Variants in ZNF722 observed in about 807,000 individuals in gnomAD.
ZNF722 encodes zinc finger protein 479 pseudogene.
the ZNF722 span, among the ~76,000 whole-genome samples, chr7:64,005,240 A>T: frequency 6.6e-6 from 1 of 152,240 alleles, no homozygotes; most frequent in African/African-American, 2.4e-5. Flanking sequence ...TGGAGGTTGC[A>T]CTGAGCCAAG....
At chr7:64,014,980 C>A in the ZNF722 span, 1 of 1,201,348 alleles carries the variant, frequency 8.3e-7, no homozygotes, top group South Asian at 1.4e-5. Flanking sequence ...AAAGTATATT[C>A]ATCTGAGTCT....
At chr7:64,013,095 A>T in the ZNF722 span, among the ~76,000 whole-genome samples, 1 of 152,138 alleles carries the variant, frequency 6.6e-6, no homozygotes, top group East Asian at 1.9e-4. Flanking sequence ...CTTTTTCTTT[A>T]TAAATTACCC....
chr7:64,003,692 G>T, the ZNF722 span, among the ~76,000 whole-genome samples: 2 of 152,074 alleles, frequency 1.3e-5, no homozygotes, highest in African/African-American at 4.8e-5. Flanking sequence ...TATATGCCAT[G>T]GTGTTCTATA....
chr7:64,004,760 G>C, the ZNF722 span, among the ~76,000 whole-genome samples: 1 of 151,902 alleles, frequency 6.6e-6, no homozygotes, highest in African/African-American at 2.4e-5. Context: ...AAAAATGAAG[G>C]CTCTTTATTT....
the ZNF722 span, among the ~76,000 whole-genome samples, chr7:64,000,436 C>CTTTTTTT: frequency 0.081 from 1,928 of 23,748 alleles, 759 homozygotes; most frequent in Admixed American, 0.089. Flanking sequence ...CATGCCCGGC[C>CTTTTTTT]TTTTTTTTTT....
At chr7:64,001,953 G>A in the ZNF722 span, among the ~76,000 whole-genome samples, 5 of 151,856 alleles carry the variant, frequency 3.3e-5, no homozygotes, top group South Asian at 4.2e-4. Context: ...GCAAAATCTC[G>A]GCTCACTGCA....
chr7:64,008,513 T>C, the ZNF722 span, among the ~76,000 whole-genome samples: 5 of 152,232 alleles, frequency 3.3e-5, no homozygotes, highest in Non-Finnish European at 7.3e-5. Flanking sequence ...CCTTTCCCCA[T>C]TTCTTGTTTT....
At chr7:64,003,810 G>T in the ZNF722 span, among the ~76,000 whole-genome samples, 24 of 152,282 alleles carry the variant, frequency 1.6e-4, no homozygotes, top group African/African-American at 5.8e-4. Flanking sequence ...ATGAGAAGGT[G>T]TAAATACTCA....
the ZNF722 span, among the ~76,000 whole-genome samples, chr7:64,013,530 G>A: frequency 0.018 from 2,757 of 151,674 alleles, 168 homozygotes; most frequent in East Asian, 0.18. Flanking sequence ...AAAAAAAAAT[G>A]ACTTCAGTTG....
At chr7:64,005,895 T>C in the ZNF722 span, among the ~76,000 whole-genome samples, 1 of 152,194 alleles carries the variant, frequency 6.6e-6, no homozygotes, top group Non-Finnish European at 1.5e-5. Context: ...TTCACGATGT[T>C]TTATCTTGAC....
the ZNF722 span, among the ~76,000 whole-genome samples, chr7:64,010,756 A>C: frequency 6.6e-6 from 1 of 152,196 alleles, no homozygotes; most frequent in Non-Finnish European, 1.5e-5. Flanking sequence ...GATGTCTATT[A>C]GGTCTGCTTG....
chr7:64,004,441 T>G, the ZNF722 span, among the ~76,000 whole-genome samples: 1 of 132,848 alleles, frequency 7.5e-6, no homozygotes, highest in Non-Finnish European at 1.5e-5. Context: ...TATATATATA[T>G]ATATATATAT....
the ZNF722 span, among the ~76,000 whole-genome samples, chr7:64,006,600 T>C: frequency 6.6e-6 from 1 of 152,200 alleles, no homozygotes; most frequent in Non-Finnish European, 1.5e-5. Flanking sequence ...AACTGACTGC[T>C]TTGCCATAGC....
At chr7:64,015,300 T>C in the ZNF722 span, 2 of 1,264,926 alleles carry the variant, frequency 1.6e-6, no homozygotes, top group East Asian at 4.7e-5. Flanking sequence ...TGAAACAAGA[T>C]ATACTGGAAA....
At chr7:63,999,570 T>TA in the ZNF722 span, among the ~76,000 whole-genome samples, 3 of 152,206 alleles carry the variant, frequency 2.0e-5, no homozygotes, top group African/African-American at 7.2e-5. Context: ...TTGGTACAGT[T>TA]ATGTAGTTTC....
the ZNF722 span, among the ~76,000 whole-genome samples, chr7:64,001,007 C>T: frequency 6.6e-6 from 1 of 150,592 alleles, no homozygotes; most frequent in African/African-American, 2.4e-5. Context: ...GAACTTTTGG[C>T]CTCAGGTGAT....
chr7:64,014,861 T>A, the ZNF722 span, among the ~76,000 whole-genome samples: 6 of 152,202 alleles, frequency 3.9e-5, no homozygotes, highest in Non-Finnish European at 7.3e-5. Flanking sequence ...GGTATTTTGA[T>A]CACTATGATT....
chr7:64,017,981 G>C, the ZNF722 span, among the ~76,000 whole-genome samples: 1 of 152,124 alleles, frequency 6.6e-6, no homozygotes, highest in Non-Finnish European at 1.5e-5. Context: ...TGTTGCATCA[G>C]AGATATAAGA....
At chr7:64,009,666 G>T in the ZNF722 span, among the ~76,000 whole-genome samples, 3 of 152,026 alleles carry the variant, frequency 2.0e-5, no homozygotes, top group Admixed American at 6.5e-5. Context: ...GAGGATTTTC[G>T]CATCGATGTT....
Sources: allele counts gnomAD v4.1 joint callset (sites outside exome capture counted in the v4.1 genomes callset), GRCh38; gene constraint gnomAD v4.1.1; transcripts MANE v1.5; gene names NCBI Gene and HGNC (gene_info 2026-07-23, HGNC 2026-07-21).